RNF128: variants seen among roughly 807,000 people sequenced by gnomAD.
RNF128 encodes the protein ring finger protein 128.
In RNF128, 13 loss-of-function variants were observed where a neutral mutation model predicts 26.2. The observed-to-expected ratio is 0.50, with a 90% CI of 0.32 to 0.79. The LOEUF (loss-of-function observed/expected upper bound fraction) is 0.79, where lower values mean the gene tolerates loss of function less well. Among genes scored for constraint, RNF128 ranks in the 30% least tolerant of loss-of-function variants. The probability of loss-of-function intolerance (pLI) is 0.03; values close to 1 mark genes in which losing one functional copy is unlikely to be tolerated. For synonymous variants in RNF128, 149 were observed against 142.5 expected (o/e 1.05, Z -0.32); for missense variants, 315 against 349.7 (o/e 0.90, Z 0.79).
upstream of RNF128, among the ~76,000 whole-genome samples, chrX:106,725,553 T>C (rs917559814): frequency 8.9e-6 from 1 of 112,451 alleles, no homozygotes; most frequent in African/African-American, 3.2e-5. Context: ...TGAACATCAT[T>C]TTCTCTGATA....
intron 1 of RNF128, among the ~76,000 whole-genome samples, chrX:106,766,061 CT>C (rs1404405298): frequency 9.0e-6 from 1 of 111,517 alleles, no homozygotes; most frequent in Non-Finnish European, 1.9e-5. Flanking sequence ...CTTTTTATGG[CT>C]GCATAGTATT....
intron 1 of RNF128, among the ~76,000 whole-genome samples, chrX:106,742,363 A>G (rs1052037372): frequency 8.9e-6 from 1 of 111,807 alleles, no homozygotes; most frequent in African/African-American, 3.2e-5. Context: ...ACTCCAATCC[A>G]GTATTTCTCA....
At position 106,727,451 on chromosome X, in the gene RNF128, T is replaced by C. The variant is rs6523888; in HGVS notation, c.484+54T>C. On this transcript the variant is annotated intron_variant, in intron 1 of 6. Coordinates refer to ENST00000255499, the MANE Select transcript of RNF128 (RefSeq NM_194463.2). ...CCAGACCTCTGCCATGGCCAGTTTC[T>C]CTTATTTTCCTCATTGCCCTCCTCG... 27,975 of 1,180,329 alleles carry C rather than the reference T, an allele frequency of 0.024. 4,191 individuals are homozygous for C. The African/African-American group carries it at 0.44, about 18-fold the overall frequency.
intron 1 of RNF128, among the ~76,000 whole-genome samples, chrX:106,758,546 T>C (rs1309159740): frequency 8.9e-6 from 1 of 111,879 alleles, no homozygotes; most frequent in Non-Finnish European, 1.9e-5. Flanking sequence ...TACACAGTTA[T>C]AGTAACCAAA....
intron 1 of RNF128, among the ~76,000 whole-genome samples, chrX:106,752,746 G>C (rs990244597): frequency 1.8e-5 from 2 of 111,526 alleles, no homozygotes; most frequent in African/African-American, 6.5e-5. Context: ...GAGTAACAGA[G>C]GTATGTGACC....
Position 106,726,723 on chromosome X carries a change from C to A in RNF128, c.-191C>A. 1 of 1,039,324 alleles carries A rather than the reference C, an allele frequency of 9.6e-7. No homozygotes were observed. The highest frequency in any genetic ancestry group is 1.2e-6 in the Non-Finnish European group (1 of 818,082). The allele number at this position is 1,039,324 out of a possible 1,213,427, so 85.7% of individuals were successfully genotyped here. On this transcript the variant is annotated 5_prime_UTR_variant, in exon 1 of 7. Coordinates refer to ENST00000255499, the MANE Select transcript of RNF128 (RefSeq NM_194463.2). ...GCCGCGGTAGCGGAGAAGACTGGAG[C>A]TCCGAGGAGCTGCATCTGCGGCAAC...
chrX:106,756,800 A>C (rs1930020701), intron 1 of RNF128, among the ~76,000 whole-genome samples: 1 of 99,221 alleles, frequency 1.0e-5, no homozygotes, highest in Admixed American at 1.1e-4. Context: ...GTGAACAGGC[A>C]ACCTACAAAA....
At chrX:106,779,203 A>G (rs1930521390) in intron 2 of RNF128, among the ~76,000 whole-genome samples, 1 of 111,703 alleles carries the variant, frequency 9.0e-6, no homozygotes, top group African/African-American at 3.2e-5. Context: ...TTAAATTTAT[A>G]CCACTAATTC....
chrX:106,767,930 G>A (rs1254680138), intron 1 of RNF128, among the ~76,000 whole-genome samples: 1 of 111,954 alleles, frequency 8.9e-6, no homozygotes, highest in Non-Finnish European at 1.9e-5. Flanking sequence ...ATGAAGCGCT[G>A]TTGAATTTTG....
chrX:106,716,224 G>A (rs1374812020), intron 1 of RNF128, among the ~76,000 whole-genome samples: 1 of 111,646 alleles, frequency 9.0e-6, no homozygotes, highest in African/African-American at 3.3e-5. Context: ...CTCTATTCTA[G>A]CACAGGACTT....
chrX:106,716,929 A>G lies in RNF128; in HGVS notation c.406+22521A>G, dbSNP rs559335986. On this transcript the variant is annotated intron_variant, in intron 1 of 6. Coordinates refer to the RNF128 transcript ENST00000324342. The stretch of plus-strand genomic sequence containing the variant: ...TTAAGAAATTTATATATTGCCGGTC[A>G]CGGTGGCTCATGCTTGTAATCCCAG... Among the ~76,000 whole-genome samples the G allele has an allele frequency of 1.3e-4, 15 of 111,661 alleles. 1 individual carries two copies. Among genetic ancestry groups the G allele is most frequent in the African/African-American group, 4.5e-4 (14 of 30,795 alleles).
intron 1 of RNF128, among the ~76,000 whole-genome samples, chrX:106,754,875 A>G (rs963707276): frequency 9.0e-6 from 1 of 111,689 alleles, no homozygotes; most frequent in African/African-American, 3.2e-5. Flanking sequence ...ATAGAACTAG[A>G]AAAGCAAGAG....
chrX:106,699,163 C>T (rs1482183239), intron 1 of RNF128, among the ~76,000 whole-genome samples: 1 of 111,988 alleles, frequency 8.9e-6, no homozygotes, highest in Non-Finnish European at 1.9e-5. Context: ...TTGCTATTCT[C>T]GCCCCTCTGT....
intron 1 of RNF128, among the ~76,000 whole-genome samples, chrX:106,699,780 T>A (rs1928926559): frequency 1.8e-5 from 2 of 111,472 alleles, no homozygotes; most frequent in Admixed American, 9.6e-5. Flanking sequence ...CACTCTGATC[T>A]TCGGACATTT....
intron 1 of RNF128, among the ~76,000 whole-genome samples, chrX:106,710,262 T>G (rs1929102999): frequency 8.9e-6 from 1 of 111,958 alleles, no homozygotes; most frequent in Non-Finnish European, 1.9e-5. Context: ...GCAGTGAAGA[T>G]ATACACAACA....
intron 1 of RNF128, among the ~76,000 whole-genome samples, chrX:106,719,766 A>G (rs1929279599): frequency 1.8e-5 from 2 of 109,507 alleles, no homozygotes; most frequent in African/African-American, 6.7e-5. Flanking sequence ...GAAAGAAGAA[A>G]CAGAGACTCC....
intron 1 of RNF128, among the ~76,000 whole-genome samples, chrX:106,712,126 G>A (rs1223421234): frequency 2.7e-5 from 3 of 112,252 alleles, no homozygotes; most frequent in Non-Finnish European, 3.8e-5. Flanking sequence ...ACATACTTCA[G>A]AGTCACGTCT....
intron 1 of RNF128, among the ~76,000 whole-genome samples, chrX:106,767,103 A>G (rs764038304): frequency 1.1e-4 from 12 of 111,270 alleles, no homozygotes; most frequent in Middle Eastern, 4.6e-3. Flanking sequence ...GTACCATGCT[A>G]TTTTGGTTAC....
chrX:106,715,614 T>C (rs952219007), intron 1 of RNF128, among the ~76,000 whole-genome samples: 2 of 111,986 alleles, frequency 1.8e-5, no homozygotes, highest in African/African-American at 6.5e-5. Flanking sequence ...ATACCTTGAC[T>C]GTAGACAGAA....
Sources: gnomAD v4.1 joint callset for allele counts (sites outside exome capture counted in the v4.1 genomes callset) on GRCh38, gnomAD v4.1.1 for gene constraint, MANE v1.5 for transcripts, NCBI Gene and HGNC (gene_info 2026-07-23, HGNC 2026-07-21) for gene names.